FNDC3B: variants seen among roughly 807,000 people sequenced by gnomAD.
The protein encoded by FNDC3B is fibronectin type III domain containing 3B.
In FNDC3B, 12 loss-of-function variants were observed where a neutral mutation model predicts 151.5. The observed-to-expected ratio is 0.08, with a 90% CI of 0.05 to 0.13. The LOEUF is 0.13. Among genes scored for constraint, FNDC3B ranks in the 10% least tolerant of loss-of-function variants. The pLI is 1.00. For missense variants in FNDC3B, 1,214 were observed against 1,505.3 expected, an observed-to-expected ratio of 0.81 and a Z score of 3.20; for synonymous variants, 528 against 549.0, an observed-to-expected ratio of 0.96 and a Z score of 0.54.
At chr3:172,239,710 T>A (rs1727371170) in intron 4 of FNDC3B, among the ~76,000 whole-genome samples, 1 of 151,152 alleles carries the variant, frequency 6.6e-6, no homozygotes, top group South Asian at 2.1e-4. Flanking sequence ...AAGTGAGGAG[T>A]TTATTAAAAT....
At chr3:172,067,417 C>T (rs549462361) in intron 1 of FNDC3B, among the ~76,000 whole-genome samples, 38 of 152,000 alleles carry the variant, frequency 2.5e-4, no homozygotes, top group South Asian at 2.1e-4. Context: ...GGCTTTTCTG[C>T]GTTCACTAAG....
chr3:172,333,497 T>A (rs1732788897), intron 14 of FNDC3B, among the ~76,000 whole-genome samples: 1 of 51,278 alleles, frequency 2.0e-5, no homozygotes, highest in Admixed American at 2.4e-4. Flanking sequence ...AATTTTTTTT[T>A]TTTTTTTTTT....
At chr3:172,325,692 C>G (rs910963078) in intron 11 of FNDC3B, among the ~76,000 whole-genome samples, 1 of 152,218 alleles carries the variant, frequency 6.6e-6, no homozygotes, top group African/African-American at 2.4e-5. Context: ...GTAGACAGAC[C>G]AGCACGCTGG....
intron 3 of FNDC3B, among the ~76,000 whole-genome samples, chr3:172,190,735 C>T (rs571319864): frequency 6.6e-6 from 1 of 152,316 alleles, no homozygotes; most frequent in East Asian, 1.9e-4. Context: ...ATGGCACGAT[C>T]TTGGCTCACC....
chr3:172,117,088 C>T (rs1576879937), intron 2 of FNDC3B, among the ~76,000 whole-genome samples: 1 of 152,072 alleles, frequency 6.6e-6, no homozygotes, highest in East Asian at 1.9e-4. Context: ...TATATATAAC[C>T]GTATATATAA....
At chr3:172,313,517 A>G (rs1436486203) in intron 11 of FNDC3B, among the ~76,000 whole-genome samples, 1 of 152,216 alleles carries the variant, frequency 6.6e-6, no homozygotes, top group Non-Finnish European at 1.5e-5. Context: ...CTGTTCATTA[A>G]TTATTTCAGC....
chr3:172,209,429 G>A (rs189795419), intron 3 of FNDC3B, among the ~76,000 whole-genome samples: 22 of 152,292 alleles, frequency 1.4e-4, no homozygotes, highest in Non-Finnish European at 3.2e-4. Flanking sequence ...GAGCAAGGCC[G>A]AGAGGAGCTT....
intron 25 of FNDC3B, among the ~76,000 whole-genome samples, chr3:172,392,813 T>C (rs1360163777): frequency 2.8e-5 from 4 of 141,904 alleles, no homozygotes; most frequent in East Asian, 2.0e-4. Flanking sequence ...TTTTTTTCTT[T>C]TTTTTTTTTC....
chr3:172,132,919 G>A (rs913759060), intron 2 of FNDC3B, among the ~76,000 whole-genome samples: 1 of 152,070 alleles, frequency 6.6e-6, no homozygotes, highest in Non-Finnish European at 1.5e-5. Context: ...AAACATTTGG[G>A]TATTTGGCGG....
intron 1 of FNDC3B, among the ~76,000 whole-genome samples, chr3:172,069,846 T>C (rs1351161504): frequency 6.6e-6 from 1 of 152,220 alleles, no homozygotes; most frequent in Non-Finnish European, 1.5e-5. Flanking sequence ...TGATGCCTTA[T>C]ATTTAAATAC....
chr3:172,256,480 C>T (rs1240121370), intron 6 of FNDC3B, among the ~76,000 whole-genome samples: 2 of 152,190 alleles, frequency 1.3e-5, no homozygotes, highest in African/African-American at 4.8e-5. Flanking sequence ...TATGCAAGAG[C>T]TGGGCCTTGA....
chr3:172,194,946 TG>T (rs1576786389), intron 3 of FNDC3B, among the ~76,000 whole-genome samples: 1 of 152,210 alleles, frequency 6.6e-6, no homozygotes, highest in Non-Finnish European at 1.5e-5. Flanking sequence ...TTAGCACCGC[TG>T]GGAGGTTGTT....
intron 6 of FNDC3B, among the ~76,000 whole-genome samples, chr3:172,278,339 T>C (rs1236817836): frequency 6.6e-6 from 1 of 152,228 alleles, no homozygotes; most frequent in African/African-American, 2.4e-5. Flanking sequence ...GTATGAACTT[T>C]AATTACCTTT....
chr3:172,352,903 A>G lies in FNDC3B; in HGVS notation c.2615A>G (p.Glu872Gly). 1 of 1,614,142 alleles carries G rather than the reference A, an allele frequency of 6.2e-7. No individual in the cohort carries two copies. The highest frequency in any genetic ancestry group is 8.5e-7 in the Non-Finnish European group (1 of 1,180,018). ...GTCTCCACTCTCTGTGTCCTGGAGG[A>G]GGAGCCCCTTGATGCCTACCCTGAT... ...DPVSTLCVLE[E>G]EPLDAYPDSP... The change falls in exon 22 of 26, where the codon GAG (glutamate) becomes GGG (glycine). Residue 872 changes from glutamate (E) to glycine (G), a missense_variant. Glu to Gly is a moderately conservative substitution (Grantham distance 98, BLOSUM62 -2). Around this residue, in one of 7 missense-constraint regions of FNDC3B, gnomAD observed 380 missense variants for 420.9 expected, o/e 0.90. Transcript: ENST00000415807. The surrounding 1 kb of genome is among the most constrained non-coding windows in gnomAD (Gnocchi z 4.2).
intron 4 of FNDC3B, 87 bp downstream of exon 4, chr3:172,227,034 C>A: frequency 1.0e-6 from 1 of 960,152 alleles, no homozygotes; most frequent in Non-Finnish European, 1.7e-6. Flanking sequence ...AGCCATATTC[C>A]AGGAGTTAAT....
intron 25 of FNDC3B, among the ~76,000 whole-genome samples, chr3:172,389,154 T>C (rs1172410164): frequency 6.6e-6 from 1 of 152,240 alleles, no homozygotes; most frequent in Non-Finnish European, 1.5e-5. Flanking sequence ...GTTAATAACA[T>C]AAGTTTACAA....
intron 15 of FNDC3B, among the ~76,000 whole-genome samples, chr3:172,336,280 T>C (rs531998940): frequency 1.3e-5 from 2 of 152,334 alleles, no homozygotes; most frequent in Non-Finnish European, 2.9e-5. Context: ...GGGTACATTC[T>C]TTATAGTTTT....
intron 2 of FNDC3B, among the ~76,000 whole-genome samples, chr3:172,115,954 T>C (rs1157190037): frequency 6.6e-6 from 1 of 152,240 alleles, no homozygotes; most frequent in African/African-American, 2.4e-5. Flanking sequence ...CCTTCTGATT[T>C]CTGTTCTGCT....
intron 3 of FNDC3B, among the ~76,000 whole-genome samples, chr3:172,151,821 A>G (rs1722238713): frequency 6.6e-6 from 1 of 152,218 alleles, no homozygotes; most frequent in Non-Finnish European, 1.5e-5. Flanking sequence ...GATTTGTTAC[A>G]GCATTGATGA....
Sources: gnomAD v4.1 joint callset for allele counts (sites outside exome capture counted in the v4.1 genomes callset) on GRCh38, gnomAD v4.1.1 for gene constraint, gnomAD v4.1.1 regional missense constraint, Gnocchi (gnomAD v3.1) non-coding constraint, MANE v1.5 for transcripts, NCBI Gene and HGNC (gene_info 2026-07-23, HGNC 2026-07-21) for gene names.